Variants in ZNF787 observed in about 807,000 individuals in gnomAD.
ZNF787 encodes TTF-I-interacting peptide 20.
Under a neutral mutation model 16.9 loss-of-function variants are expected in ZNF787, and 7 were observed. The observed-to-expected ratio is 0.42, with a 90% confidence interval of 0.24 to 0.78. The LOEUF (loss-of-function observed/expected upper bound fraction) is 0.78. ZNF787 is among the 30% of genes least tolerant of loss of function. The pLI, the probability that ZNF787 is intolerant of heterozygous loss-of-function variation, is 0.30. For synonymous variants in ZNF787, 345 were observed against 270.9 expected (o/e 1.27, Z -2.69); for missense variants, 551 against 589.3 (o/e 0.94, Z 0.67).
At chr19:56,100,630 G>A (rs1599947542) in intron 2 of ZNF787, among the ~76,000 whole-genome samples, 1 of 152,162 alleles carries the variant, frequency 6.6e-6, no homozygotes, top group African/African-American at 2.4e-5. Flanking sequence ...CCATGGCCAG[G>A]CCAACACCCG....
chr19:56,102,736 G>T, intron 2 of ZNF787: 1 of 597,306 alleles, frequency 1.7e-6, no homozygotes. Flanking sequence ...CACCCCTGGT[G>T]TAAGGAGTTT....
chr19:56,111,186 G>A (rs1432359943), intron 1 of ZNF787, among the ~76,000 whole-genome samples: 2 of 152,000 alleles, frequency 1.3e-5, no homozygotes, highest in African/African-American at 2.4e-5. Flanking sequence ...GGCGTTTGGG[G>A]TGCACACTTT....
rs570414685 is a variant in ZNF787, at chr19:56,087,812, G to T, written c.*211C>A. Reference sequence around the variant, plus strand: ...TTAGGAAGGGCGGGCCAGGCTGAGGGGGCAGAGTCTCGAGGCGGAGAAGTG... The same window carrying T: ...TTAGGAAGGGCGGGCCAGGCTGAGGTGGCAGAGTCTCGAGGCGGAGAAGTG... On this transcript the variant is annotated 3_prime_UTR_variant, in exon 3 of 3. Transcript: ENST00000610935. 232 of 753,826 alleles carry T rather than the reference G, an allele frequency of 3.1e-4. No individual in the cohort carries two copies. In the African/African-American group the frequency reaches 3.9e-3, roughly 13 times the overall value. The allele number at this position is 753,826 out of a possible 1,614,324, so 46.7% of individuals were successfully genotyped here.
chr19:56,089,294 T>G (rs1985480684), intron 2 of ZNF787, among the ~76,000 whole-genome samples: 1 of 152,046 alleles, frequency 6.6e-6, no homozygotes, highest in Non-Finnish European at 1.5e-5. Context: ...CTGTGTGAGT[T>G]AAGACCCTCA....
intron 1 of ZNF787, among the ~76,000 whole-genome samples, chr19:56,110,887 T>C (rs2029959984): frequency 6.6e-6 from 1 of 152,192 alleles, no homozygotes; most frequent in African/African-American, 2.4e-5. Flanking sequence ...CCAGGAGGCC[T>C]GCACTGCCCA....
At chr19:56,093,819 T>C (rs954495840) in intron 2 of ZNF787, among the ~76,000 whole-genome samples, 1 of 152,220 alleles carries the variant, frequency 6.6e-6, no homozygotes, top group Non-Finnish European at 1.5e-5. Flanking sequence ...TGACTTCCTT[T>C]AGCGTCCAGC....
intron 2 of ZNF787, among the ~76,000 whole-genome samples, chr19:56,094,367 T>G (rs1441526620): frequency 6.6e-6 from 1 of 150,688 alleles, no homozygotes; most frequent in Non-Finnish European, 1.5e-5. Flanking sequence ...AGAGACAGGG[T>G]TTCTCCATGT....
At chr19:56,109,370 G>A (rs2123421878) in intron 1 of ZNF787, among the ~76,000 whole-genome samples, 1 of 152,186 alleles carries the variant, frequency 6.6e-6, no homozygotes, top group Non-Finnish European at 1.5e-5. Context: ...CCTGCAAGCA[G>A]ATGAAACCCC....
intron 2 of ZNF787, among the ~76,000 whole-genome samples, chr19:56,091,668 ATC>A (rs1426482234): frequency 6.6e-6 from 1 of 152,228 alleles, no homozygotes; most frequent in Non-Finnish European, 1.5e-5. Flanking sequence ...CTCTACAGGC[ATC>A]TCTGCACTAC....
chr19:56,118,329 G>A (rs1381350191), intron 1 of ZNF787, among the ~76,000 whole-genome samples: 1 of 149,728 alleles, frequency 6.7e-6, no homozygotes, highest in Non-Finnish European at 1.5e-5. Flanking sequence ...CCTGCGTGTA[G>A]GAGTCCTCGT....
intron 2 of ZNF787, among the ~76,000 whole-genome samples, chr19:56,096,854 G>C (rs935135038): frequency 6.6e-6 from 1 of 152,160 alleles, no homozygotes; most frequent in Non-Finnish European, 1.5e-5. Context: ...TGTTGGCACC[G>C]CTCCCTCCTC....
At chr19:56,120,972 T>C (rs2030278804) in intron 1 of ZNF787, among the ~76,000 whole-genome samples, 200 bp downstream of exon 1, 1 of 118,658 alleles carries the variant, frequency 8.4e-6, no homozygotes, top group African/African-American at 3.2e-5. Flanking sequence ...CCCACAGCTC[T>C]TCGGCGCGCA....
chr19:56,119,081 T>G (rs1248224894), intron 1 of ZNF787, among the ~76,000 whole-genome samples: 1 of 152,214 alleles, frequency 6.6e-6, no homozygotes, highest in Non-Finnish European at 1.5e-5. Flanking sequence ...TCAGCTGCTC[T>G]GGGACAGGGA....
intron 1 of ZNF787, among the ~76,000 whole-genome samples, chr19:56,108,511 A>G (rs536808900): frequency 2.3e-4 from 35 of 151,436 alleles, no homozygotes; most frequent in Admixed American, 1.4e-3. Flanking sequence ...CACTTGCTCC[A>G]CCTGCCTGCC....
intron 1 of ZNF787, among the ~76,000 whole-genome samples, chr19:56,116,426 A>G (rs978915012): frequency 6.6e-6 from 1 of 152,100 alleles, no homozygotes; most frequent in Admixed American, 6.5e-5. Context: ...TGGGCGACGG[A>G]GTGAGATTCT....
chr19:56,096,403 A>G (rs1985875635), intron 2 of ZNF787, among the ~76,000 whole-genome samples: 1 of 151,962 alleles, frequency 6.6e-6, no homozygotes, highest in Non-Finnish European at 1.5e-5. Flanking sequence ...TGGGCAACAG[A>G]GCAAGACCCT....
At chr19:56,117,681 T>C (rs1284628544) in intron 1 of ZNF787, among the ~76,000 whole-genome samples, 1 of 152,244 alleles carries the variant, frequency 6.6e-6, no homozygotes, top group Non-Finnish European at 1.5e-5. Flanking sequence ...CGCAGGGGGA[T>C]CTGTGTCTTA....
chr19:56,120,624 A>C (rs995044174), intron 1 of ZNF787, among the ~76,000 whole-genome samples: 2 of 151,140 alleles, frequency 1.3e-5, no homozygotes, highest in African/African-American at 4.9e-5. Context: ...CTGACTCGAA[A>C]AGGGGAAGGA....
At chr19:56,106,101 G>A (rs914309387) in intron 1 of ZNF787, among the ~76,000 whole-genome samples, 6 of 149,796 alleles carry the variant, frequency 4.0e-5, no homozygotes, top group African/African-American at 1.2e-4. Flanking sequence ...TCCCCCTTCC[G>A]CGCCCACGGC....
Sources: allele counts gnomAD v4.1 joint callset (sites outside exome capture counted in the v4.1 genomes callset), GRCh38; gene constraint gnomAD v4.1.1; transcripts MANE v1.5; gene names NCBI Gene and HGNC (gene_info 2026-07-23, HGNC 2026-07-21).